The following GTF2IRD1 variants were observed in gnomAD, a reference collection of about 807,000 sequenced individuals.
The protein encoded by GTF2IRD1 is GTF2I repeat domain containing 1.
Under a neutral mutation model 113.2 loss-of-function variants are expected in GTF2IRD1, and 26 were observed. That is an observed-to-expected ratio of 0.23 (90% CI 0.17 to 0.32). The LOEUF is 0.32. Ranked by LOEUF, GTF2IRD1 falls within the 10% of genes least tolerant of loss-of-function variation. The probability of loss-of-function intolerance (pLI) is 1.00; values close to 1 mark genes in which losing one functional copy is unlikely to be tolerated. For synonymous variants in GTF2IRD1, 484 were observed against 529.1 expected (o/e 0.91, Z 1.17); for missense variants, 864 against 1,280.8 (o/e 0.67, Z 4.97).
intron 1 of GTF2IRD1, among the ~76,000 whole-genome samples, chr7:74,484,483 C>G (rs370076754): frequency 2.0e-4 from 27 of 136,294 alleles, no homozygotes; most frequent in African/African-American, 7.3e-4. Flanking sequence ...GAATTGGAGT[C>G]TCACTCTTTC....
At chr7:74,511,677 A>C (rs1158538257) in intron 2 of GTF2IRD1, among the ~76,000 whole-genome samples, 1 of 152,222 alleles carries the variant, frequency 6.6e-6, no homozygotes, top group African/African-American at 2.4e-5. Flanking sequence ...ATTATGGCCC[A>C]GAGAGGTTAC....
At chr7:74,504,155 A>G (rs1445983880) in intron 1 of GTF2IRD1, among the ~76,000 whole-genome samples, 1 of 152,066 alleles carries the variant, frequency 6.6e-6, no homozygotes, top group Non-Finnish European at 1.5e-5. Context: ...TATCCATTCT[A>G]CCGCTGATGG....
chr7:74,574,806 C>CAGCCTCACGGAGCCTACATGGTGG (rs1800924719), intron 22 of GTF2IRD1, among the ~76,000 whole-genome samples: 1 of 151,338 alleles, frequency 6.6e-6, no homozygotes, highest in African/African-American at 2.4e-5. Flanking sequence ...AAAAAAAACC[C>CAGCCTCACGGAGCCTACATGGTGG]GGCTGAGTGC....
At chr7:74,476,163 G>C (rs981123262) in intron 1 of GTF2IRD1, among the ~76,000 whole-genome samples, 2 of 152,114 alleles carry the variant, frequency 1.3e-5, no homozygotes, top group African/African-American at 4.8e-5. Context: ...CGATGCTCTG[G>C]ACTCCTGTCT....
chr7:74,496,459 A>T (rs1310301605), intron 1 of GTF2IRD1, among the ~76,000 whole-genome samples: 1 of 123,888 alleles, frequency 8.1e-6, no homozygotes, highest in Non-Finnish European at 1.6e-5. Context: ...GTGGGTGTGC[A>T]TGTGTGTTCA....
At chr7:74,561,628 G>C (rs1298582736) in intron 22 of GTF2IRD1, among the ~76,000 whole-genome samples, 42 of 152,102 alleles carry the variant, frequency 2.8e-4, no homozygotes, top group African/African-American at 1.0e-3. Flanking sequence ...ATGTTGGAAA[G>C]GTGGAGAGAG....
chr7:74,501,080 G>A (rs1304270759), intron 1 of GTF2IRD1, among the ~76,000 whole-genome samples: 1 of 152,176 alleles, frequency 6.6e-6, no homozygotes, highest in African/African-American at 2.4e-5. Context: ...TAGCTGTCCT[G>A]TAGGGCCACA....
chr7:74,572,396 G>GAT (rs1800747428), intron 22 of GTF2IRD1, among the ~76,000 whole-genome samples: 1 of 152,028 alleles, frequency 6.6e-6, no homozygotes, highest in African/African-American at 2.4e-5. Context: ...TGTGATCTTG[G>GAT]ATAAGTTAAC....
At chr7:74,528,869 A>AGATGGATGGATGGATG in intron 8 of GTF2IRD1, among the ~76,000 whole-genome samples, 1 of 101,750 alleles carries the variant, frequency 9.8e-6, no homozygotes, top group South Asian at 3.7e-4. Context: ...ATGAATGGGC[A>AGATGGATGGATGGATG]GATGGATGGA....
chr7:74,508,044 CCCA>C (rs1554341585), intron 1 of GTF2IRD1, 28 bp from the exon 2 acceptor site: 1 of 1,587,780 alleles, frequency 6.3e-7, no homozygotes, highest in Non-Finnish European at 8.5e-7. Context: ...CTGCCTTGTG[CCCA>C]CCACCACTGC....
intron 7 of GTF2IRD1, among the ~76,000 whole-genome samples, chr7:74,521,827 T>C (rs1554346067): frequency 6.6e-6 from 1 of 152,212 alleles, no homozygotes; most frequent in African/African-American, 2.4e-5. Flanking sequence ...CAAGTGTTTA[T>C]TACCTCACAG....
chr7:74,588,461 G>C (rs1801861306), intron 22 of GTF2IRD1, among the ~76,000 whole-genome samples: 1 of 152,002 alleles, frequency 6.6e-6, no homozygotes, highest in South Asian at 2.1e-4. Flanking sequence ...CTTCTGTCCT[G>C]GTGGCTTCCC....
intron 12 of GTF2IRD1, among the ~76,000 whole-genome samples, chr7:74,538,449 T>G (rs1443723578): frequency 6.6e-6 from 1 of 152,124 alleles, no homozygotes; most frequent in Non-Finnish European, 1.5e-5. Context: ...ACCAGCAGCC[T>G]CCCCTCTGGG....
At position 74,512,018 on chromosome 7, in the gene GTF2IRD1, G is replaced by C. The variant is rs879960581; in HGVS notation, c.124-812G>C. Among the ~76,000 whole-genome samples, 1 of 152,170 alleles carries C rather than the reference G, an allele frequency of 6.6e-6. No homozygotes were observed. Among genetic ancestry groups the C allele is most frequent in the Non-Finnish European group, 1.5e-5 (1 of 68,026 alleles). On this transcript the variant is annotated intron_variant, in intron 2 of 26. Coordinates refer to ENST00000424337, the MANE Select transcript of GTF2IRD1 (RefSeq NM_005685.4). This position sits in a 1 kb window ranked among gnomAD's most constrained non-coding sequence, Gnocchi z 4.4. Reference sequence around the variant, plus strand: ...CATTGAATCCCCATACCCAAGCCCAGTGGCACTGTGGAACTGGGCTGCTTG... The same window carrying C: ...CATTGAATCCCCATACCCAAGCCCACTGGCACTGTGGAACTGGGCTGCTTG...
intron 8 of GTF2IRD1, among the ~76,000 whole-genome samples, chr7:74,524,787 C>T (rs1299779564): frequency 1.3e-5 from 2 of 152,168 alleles, no homozygotes; most frequent in South Asian, 4.1e-4. Context: ...ATCACTGGAA[C>T]CTAGGAGGTG....
rs540264807 is a variant in GTF2IRD1, at chr7:74,471,682, A to C, written c.-7+17506A>C. On this transcript the variant is annotated intron_variant, in intron 1 of 26. Coordinates refer to ENST00000424337, the MANE Select transcript of GTF2IRD1 (RefSeq NM_005685.4). Reference sequence around the variant, plus strand: ...TCTTTTTGAAATATTTAAAAAAAAAAAAAAAAACAAAAAAAAAAACAAAAA... The same window carrying C: ...TCTTTTTGAAATATTTAAAAAAAAACAAAAAAACAAAAAAAAAAACAAAAA... Among the ~76,000 whole-genome samples the C allele has an allele frequency of 3.0e-3, 210 of 70,626 alleles. 1 individual carries two copies. The highest frequency in any genetic ancestry group is 0.01 in the African/African-American group (190 of 18,512). 46.3% of individuals were successfully genotyped at this position (70,626 alleles called of 152,430 possible).
At chr7:74,459,099 T>C (rs1293633496) in intron 1 of GTF2IRD1, among the ~76,000 whole-genome samples, 1 of 152,158 alleles carries the variant, frequency 6.6e-6, no homozygotes, top group Non-Finnish European at 1.5e-5. Flanking sequence ...TGGAGGGTCG[T>C]GCAGAAAGGG....
chr7:74,509,024 G>T (rs1320947396), intron 2 of GTF2IRD1, among the ~76,000 whole-genome samples: 4 of 152,060 alleles, frequency 2.6e-5, no homozygotes, highest in African/African-American at 9.6e-5. Context: ...TTTTCCTCTA[G>T]CCTTTTCCTG....
intron 9 of GTF2IRD1, among the ~76,000 whole-genome samples, chr7:74,530,415 T>C (rs1554348508): frequency 6.6e-6 from 1 of 151,730 alleles, no homozygotes; most frequent in East Asian, 1.9e-4. Flanking sequence ...TGTAGCTGTG[T>C]GGCCTATTCC....
Sources: allele counts gnomAD v4.1 joint callset (sites outside exome capture counted in the v4.1 genomes callset), GRCh38; gene constraint gnomAD v4.1.1; non-coding constraint Gnocchi (gnomAD v3.1); transcripts MANE v1.5; gene names NCBI Gene and HGNC (gene_info 2026-07-23, HGNC 2026-07-21).